The following CLSTN1 variants were observed in gnomAD, a reference collection of about 807,000 sequenced individuals.
The protein encoded by CLSTN1 is calsyntenin-1.
A neutral mutation model predicts 108.3 loss-of-function variants in CLSTN1; 28 were observed. That is an observed-to-expected ratio of 0.26 (90% confidence interval 0.19 to 0.35). The LOEUF (loss-of-function observed/expected upper bound fraction) is 0.35, where lower values mean the gene tolerates loss of function less well. Among genes scored for constraint, CLSTN1 ranks in the 10% least tolerant of loss-of-function variants. The pLI is 1.00. For synonymous variants in CLSTN1, 524 were observed against 534.9 expected, an observed-to-expected ratio of 0.98 and a Z score of 0.28; for missense variants, 1,157 against 1,302.6, an observed-to-expected ratio of 0.89 and a Z score of 1.72.
intron 1 of CLSTN1, among the ~76,000 whole-genome samples, chr1:9,802,732 T>C (rs1230795264): frequency 6.6e-6 from 1 of 152,132 alleles, no homozygotes; most frequent in Non-Finnish European, 1.5e-5. Flanking sequence ...GTTTCCTCTT[T>C]GGTAAAATGG....
At chr1:9,760,725 C>T (rs1170355911) in intron 2 of CLSTN1, among the ~76,000 whole-genome samples, 1 of 113,088 alleles carries the variant, frequency 8.8e-6, no homozygotes, top group African/African-American at 3.6e-5. Flanking sequence ...GGTGAGGTTT[C>T]ACCATGTTGC....
At chr1:9,773,189 C>T (rs1411304763) in intron 2 of CLSTN1, 83 bp downstream of exon 2, 2 of 1,574,334 alleles carry the variant, frequency 1.3e-6, no homozygotes, top group Non-Finnish European at 8.7e-7. Flanking sequence ...TTCAGAAACG[C>T]TCAGCATTAC....
intron 1 of CLSTN1, among the ~76,000 whole-genome samples, chr1:9,810,241 C>T (rs1274697092): frequency 3.4e-5 from 5 of 146,016 alleles, no homozygotes; most frequent in South Asian, 2.3e-4. Flanking sequence ...TTTGAGAGGC[C>T]GAGGCAGGTG....
intron 2 of CLSTN1, among the ~76,000 whole-genome samples, chr1:9,762,047 G>A (rs1039557608): frequency 2.0e-5 from 3 of 152,114 alleles, no homozygotes; most frequent in Admixed American, 6.6e-5. Context: ...CATCGCTGTC[G>A]CTCCACTCAC....
rs569361878 is a variant in CLSTN1, at chr1:9,742,120, T to C, written c.1357-864A>G. On this transcript the variant is annotated intron_variant, in intron 9 of 18. Transcript: ENST00000377298. Reference sequence around the variant, plus strand: ...CTGCAATGGGCCCTTATCTGGGTCGTAACTCAAACAAATTGTAAACACAAA... The same window carrying C: ...CTGCAATGGGCCCTTATCTGGGTCGCAACTCAAACAAATTGTAAACACAAA... Among the ~76,000 whole-genome samples, 6 of 152,344 alleles carry C rather than the reference T, an allele frequency of 3.9e-5. No homozygotes were observed. The South Asian group carries it at 1.2e-3, about 32-fold the overall frequency.
In CLSTN1 at chr1:9,744,605, T is replaced by G. The variant is rs1348218415; in HGVS notation, c.1024A>C (p.Ser342Arg). ...CCCATGGTCCAGTTGAGGGATCCACTCGGGGATGGCAGCAGCTCGGCAGTG... is the reference window on the plus strand; with the variant it reads ...CCCATGGTCCAGTTGAGGGATCCACGCGGGGATGGCAGCAGCTCGGCAGTG... ...AGTAELLPSP[S>R]GSLNWTMGLP... Residue 342 changes from serine (S) to arginine (R), a missense_variant, in exon 8 of 19, where the codon AGT (serine) becomes CGT (arginine). By Grantham distance (110) the Ser-to-Arg change is moderately radical. Transcript: ENST00000377298. 1.2e-6 allele frequency: 2 copies of G among 1,612,990 alleles called. No homozygotes were observed. Among genetic ancestry groups the G allele is most frequent in the African/African-American group, 2.7e-5 (2 of 74,850 alleles).
intron 15 of CLSTN1, 95 bp from the exon 16 acceptor site, chr1:9,733,641 C>G: frequency 6.8e-7 from 1 of 1,468,854 alleles, no homozygotes; most frequent in East Asian, 2.3e-5. Flanking sequence ...CAATTAGACA[C>G]CCAGGTTAGC....
intron 1 of CLSTN1, among the ~76,000 whole-genome samples, chr1:9,797,020 C>G (rs1219531342): frequency 6.6e-6 from 1 of 152,092 alleles, no homozygotes; most frequent in Non-Finnish European, 1.5e-5. Flanking sequence ...TGGTTAAACA[C>G]TGGTGCGTGG....
At chr1:9,810,357 T>C (rs1371899785) in intron 1 of CLSTN1, among the ~76,000 whole-genome samples, 1 of 148,526 alleles carries the variant, frequency 6.7e-6, no homozygotes, top group Non-Finnish European at 1.5e-5. Flanking sequence ...ACACCTGTAA[T>C]CCCAGCTACT....
intron 5 of CLSTN1, among the ~76,000 whole-genome samples, chr1:9,750,733 A>AAAAAAAAAAG (rs1557697957): frequency 6.6e-6 from 1 of 150,592 alleles, no homozygotes; most frequent in African/African-American, 2.4e-5. Context: ...AAAAAAAAAA[A>AAAAAAAAAAG]GATGTCACAG....
At chr1:9,748,043 A>T (rs1279159418) in intron 7 of CLSTN1, among the ~76,000 whole-genome samples, 2 of 121,610 alleles carry the variant, frequency 1.6e-5, no homozygotes, top group Non-Finnish European at 1.6e-5. Context: ...GACTCTGTCT[A>T]AAAAAAAAAA....
In CLSTN1 at chr1:9,776,807, T is replaced by TATCTATCAGCATTTATCTATC. The variant is rs1288169045; in HGVS notation, c.92-3434_92-3414dup. ...ACCTATCTCTATCTATCTATCTATC[T>TATCTATCAGCATTTATCTATC]ATCTATCAGCATTTATCTATCATCT... is the stretch of plus-strand genomic sequence containing the variant. On this transcript the variant is annotated intron_variant, in intron 1 of 18. Transcript: ENST00000377298. Among the ~76,000 whole-genome samples, 93 of 145,190 alleles carry TATCTATCAGCATTTATCTATC rather than the reference T, an allele frequency of 6.4e-4. 1 individual carries two copies. The highest frequency in any genetic ancestry group is 2.4e-3 in the African/African-American group (85 of 35,614).
At chr1:9,738,725 G>A (rs1481291394) in intron 10 of CLSTN1, among the ~76,000 whole-genome samples, 1 of 152,144 alleles carries the variant, frequency 6.6e-6, no homozygotes, top group Non-Finnish European at 1.5e-5. Flanking sequence ...TGTGATCTTG[G>A]CTCACTGCAA....
intron 7 of CLSTN1, among the ~76,000 whole-genome samples, chr1:9,745,669 A>G (rs1456657810): frequency 6.6e-6 from 1 of 151,946 alleles, no homozygotes; most frequent in African/African-American, 2.4e-5. Context: ...ATATAAACAA[A>G]TACAATAAAA....
intron 1 of CLSTN1, among the ~76,000 whole-genome samples, chr1:9,793,717 T>C (rs141750959): frequency 6.6e-5 from 10 of 151,664 alleles, no homozygotes; most frequent in Middle Eastern, 3.4e-3. Context: ...AGAGATTAAC[T>C]TGCAAGCAGC....
Position 9,763,606 on chromosome 1 carries a change from T to C in CLSTN1, c.215-7096A>G, listed in dbSNP as rs1391515402. Among the ~76,000 whole-genome samples the C allele has an allele frequency of 5.9e-5, 9 of 152,292 alleles. No individual in the cohort carries two copies. The South Asian group carries it at 1.2e-3, about 21-fold the overall frequency. On this transcript the variant is annotated intron_variant, in intron 2 of 18. Coordinates refer to ENST00000377298, the MANE Select transcript of CLSTN1 (RefSeq NM_001009566.3). Reference sequence around the variant, plus strand: ...GAGGTACAGACTAGGCAGCTGAGCATGGAGCTCAGGAACCTGCACTCTACA... The same window carrying C: ...GAGGTACAGACTAGGCAGCTGAGCACGGAGCTCAGGAACCTGCACTCTACA...
chr1:9,771,775 C>T (rs528323991), intron 2 of CLSTN1, among the ~76,000 whole-genome samples: 19 of 152,304 alleles, frequency 1.2e-4, no homozygotes, highest in Admixed American at 2.6e-4. Flanking sequence ...GAGGCTCTAT[C>T]TTTACAGCAC....
chr1:9,820,216 G>A (rs1338334721), intron 1 of CLSTN1, among the ~76,000 whole-genome samples: 2 of 151,990 alleles, frequency 1.3e-5, no homozygotes, highest in East Asian at 1.9e-4. Flanking sequence ...TTCCCATATC[G>A]ACACTGCAGA....
chr1:9,743,946 G>C lies in CLSTN1; in HGVS notation c.1294C>G (p.Arg432Gly). 1.2e-6 allele frequency: 2 copies of C among 1,614,098 alleles called. No individual in the cohort carries two copies. Among genetic ancestry groups the C allele is most frequent in the Non-Finnish European group, 8.5e-7 (1 of 1,179,994 alleles). Residue 432 changes from arginine to glycine, a missense_variant, in exon 9 of 19, where the codon CGT (arginine) becomes GGT (glycine). Arg to Gly is a moderately radical substitution (Grantham distance 125, BLOSUM62 -2). Transcript: ENST00000377298. The stretch of plus-strand genomic sequence containing the variant: ...TTCTTCTCCTCAGAAGGATCCTGAC[G>C]GAAGAGGAAGATCAGCCGGCACCCG... ...VHGCRLIFLF[R>G]QDPSEEKKYR... is the part of the protein sequence containing the mutation.
Sources: gnomAD v4.1 joint callset for allele counts (sites outside exome capture counted in the v4.1 genomes callset) on GRCh38, gnomAD v4.1.1 for gene constraint, MANE v1.5 for transcripts, NCBI Gene and HGNC (gene_info 2026-07-23, HGNC 2026-07-21) for gene names.